SSBP3: variants seen among roughly 807,000 people sequenced by gnomAD.
SSBP3 encodes single stranded DNA binding protein 3.
In SSBP3, 5 loss-of-function variants were observed where a neutral mutation model predicts 69.6. The ratio of observed to expected loss-of-function variants is 0.07; its 90% confidence interval spans 0.04 to 0.15. The LOEUF is 0.15. Among genes scored for constraint, SSBP3 ranks in the 10% least tolerant of loss-of-function variants. SSBP3 has a pLI of 1.00. For missense variants in SSBP3, 312 were observed against 534.0 expected, an observed-to-expected ratio of 0.58 and a Z score of 4.10; for synonymous variants, 196 against 193.4, an observed-to-expected ratio of 1.01 and a Z score of -0.11.
intron 9 of SSBP3, among the ~76,000 whole-genome samples, chr1:54,249,784 G>GA (rs34204635): frequency 0.45 from 65,029 of 145,330 alleles, 14,552 homozygotes; most frequent in African/African-American, 0.49. Flanking sequence ...CCTGTTAAAA[G>GA]AAAAAAAAAA....
chr1:54,405,357 C>T (rs560429004), intron 1 of SSBP3: 33 of 191,218 alleles, frequency 1.7e-4, no homozygotes, highest in African/African-American at 7.6e-4. Flanking sequence ...AAGCGCCACC[C>T]TCGTCACCTC....
chr1:54,278,647 G>C (rs1645334897), intron 5 of SSBP3, among the ~76,000 whole-genome samples: 1 of 152,200 alleles, frequency 6.6e-6, no homozygotes, highest in African/African-American at 2.4e-5. Flanking sequence ...TCTACATTTA[G>C]GACCAGGCTA....
At chr1:54,357,335 C>G (rs1337272696) in intron 4 of SSBP3, among the ~76,000 whole-genome samples, 1 of 151,974 alleles carries the variant, frequency 6.6e-6, no homozygotes, top group Non-Finnish European at 1.5e-5. Flanking sequence ...CCACTCCTGA[C>G]AAAAAGCTAG....
At chr1:54,312,254 A>G (rs79515015) in intron 4 of SSBP3, among the ~76,000 whole-genome samples, 4,957 of 150,174 alleles carry the variant, frequency 0.033, 203 homozygotes, top group East Asian at 0.18. Context: ...GCACCACTGC[A>G]CTCCAGCCTA....
At chr1:54,249,208 C>A (rs1644784059) in intron 9 of SSBP3, among the ~76,000 whole-genome samples, 1 of 152,170 alleles carries the variant, frequency 6.6e-6, no homozygotes, top group East Asian at 1.9e-4. Flanking sequence ...TGTTCCCAGC[C>A]TTTAGAATCT....
intron 4 of SSBP3, among the ~76,000 whole-genome samples, chr1:54,338,167 C>T (rs1359449256): frequency 6.6e-6 from 1 of 152,242 alleles, no homozygotes; most frequent in Non-Finnish European, 1.5e-5. Flanking sequence ...TGTGACTGCC[C>T]CTGTGGTCCA....
chr1:54,310,442 A>G (rs1257143027), intron 4 of SSBP3, among the ~76,000 whole-genome samples: 1 of 152,132 alleles, frequency 6.6e-6, no homozygotes, highest in Admixed American at 6.5e-5. Context: ...TACACATAAG[A>G]AAAGAGAGCC....
chr1:54,306,654 G>A (rs1036502794), intron 4 of SSBP3, among the ~76,000 whole-genome samples: 2 of 152,110 alleles, frequency 1.3e-5, no homozygotes, highest in African/African-American at 2.4e-5. Context: ...TGAGCGCTTC[G>A]TGTGATTGCC....
At chr1:54,285,983 C>T (rs1013101347) in intron 4 of SSBP3, among the ~76,000 whole-genome samples, 1 of 152,156 alleles carries the variant, frequency 6.6e-6, no homozygotes, top group Non-Finnish European at 1.5e-5. Context: ...CCAAGCTGCT[C>T]TCCCCAGCTA....
intron 4 of SSBP3, among the ~76,000 whole-genome samples, chr1:54,376,479 G>A (rs1226807120): frequency 6.6e-6 from 1 of 152,142 alleles, no homozygotes; most frequent in Non-Finnish European, 1.5e-5. Flanking sequence ...TGCCTGCTCT[G>A]ACTTCATTTT....
chr1:54,293,143 C>A (rs527466059), intron 4 of SSBP3, among the ~76,000 whole-genome samples: 2 of 152,230 alleles, frequency 1.3e-5, no homozygotes, highest in Admixed American at 1.3e-4. Context: ...GGCGGGGCTG[C>A]CACTTCGGAG....
At chr1:54,392,370 T>C (rs1648559759) in intron 4 of SSBP3, among the ~76,000 whole-genome samples, 1 of 152,360 alleles carries the variant, frequency 6.6e-6, no homozygotes, top group Middle Eastern at 3.4e-3. Context: ...TCTGGGCTAG[T>C]GGCCTTCTGA....
chr1:54,329,384 A>G (rs950618186), intron 4 of SSBP3, among the ~76,000 whole-genome samples: 6 of 152,206 alleles, frequency 3.9e-5, no homozygotes, highest in African/African-American at 1.4e-4. Context: ...CAGGGACAAA[A>G]CCTCTTCCTT....
intron 5 of SSBP3, among the ~76,000 whole-genome samples, chr1:54,276,607 T>TCAC (rs1402056412): frequency 3.2e-5 from 2 of 61,592 alleles, no homozygotes; most frequent in South Asian, 8.5e-4. Context: ...AGACTCTGTC[T>TCAC]CAAAAAAAAA....
intron 5 of SSBP3, among the ~76,000 whole-genome samples, chr1:54,279,660 G>A (rs1377235285): frequency 1.3e-5 from 2 of 152,230 alleles, no homozygotes; most frequent in Non-Finnish European, 2.9e-5. Flanking sequence ...TCCATGGCAT[G>A]TGAGCCTAGA....
chr1:54,334,972 G>A (rs555640080), intron 4 of SSBP3, among the ~76,000 whole-genome samples: 1 of 152,276 alleles, frequency 6.6e-6, no homozygotes, highest in Admixed American at 6.5e-5. Flanking sequence ...GGAATAGGAG[G>A]CTGAACTAAT....
intron 4 of SSBP3, among the ~76,000 whole-genome samples, chr1:54,322,329 G>C (rs1646228144): frequency 6.6e-6 from 1 of 152,176 alleles, no homozygotes; most frequent in African/African-American, 2.4e-5. Flanking sequence ...CGGGGAAGCA[G>C]AGGCTTCAGT....
intron 4 of SSBP3, among the ~76,000 whole-genome samples, chr1:54,300,408 G>A (rs1406257513): frequency 1.3e-5 from 2 of 152,192 alleles, no homozygotes; most frequent in African/African-American, 4.8e-5. Flanking sequence ...CAGGGGCCCA[G>A]AGCAGGTGCT....
rs1569853051 is a variant in SSBP3, at chr1:54,335,800, A to G, written c.277-54273T>C. On this transcript the variant is annotated intron_variant, in intron 4 of 17. Transcript: ENST00000610401. ...CAGCAAGGGGCTGGGTTCTCACTCA[A>G]ATGGTCAGCTCTTGTCGCTTCTCCC... 7 of 152,210 alleles carry G rather than the reference A, an allele frequency of 4.6e-5. 1 individual carries two copies. The highest frequency in any genetic ancestry group is 4.6e-4 in the Admixed American group (7 of 15,274). The allele number at this position is 152,210 out of a possible 1,614,324, so 9.4% of individuals were successfully genotyped here.
Sources: allele counts gnomAD v4.1 joint callset (sites outside exome capture counted in the v4.1 genomes callset), GRCh38; gene constraint gnomAD v4.1.1; transcripts MANE v1.5; gene names NCBI Gene and HGNC (gene_info 2026-07-23, HGNC 2026-07-21).